ANK3: variants seen among roughly 807,000 people sequenced by gnomAD.
ANK3 encodes the protein ankyrin 3, also known as ankyrin-3.
ANK3 carries 57 observed loss-of-function variants against 370.9 expected under a neutral mutation model. The observed-to-expected ratio is 0.15, with a 90% CI of 0.12 to 0.19. The LOEUF (loss-of-function observed/expected upper bound fraction) is 0.19. Ranked by LOEUF, ANK3 falls within the 10% of genes least tolerant of loss-of-function variation. The probability of loss-of-function intolerance (pLI) is 1.00; values close to 1 mark genes in which losing one functional copy is unlikely to be tolerated. For missense variants in ANK3, 4,439 were observed against 5,302.1 expected, an observed-to-expected ratio of 0.84 and a Z score of 5.06; for synonymous variants, 1,929 against 1,946.3, an observed-to-expected ratio of 0.99 and a Z score of 0.23.
intron 1 of ANK3, among the ~76,000 whole-genome samples, chr10:60,373,236 C>T (rs926258843): frequency 1.4e-4 from 22 of 152,256 alleles, no homozygotes; most frequent in Admixed American, 3.3e-4. Flanking sequence ...AATATCTCAT[C>T]GGGTAGAAGG....
At position 60,069,030 on chromosome 10, in the gene ANK3, G is replaced by A; in HGVS notation, c.11851C>T (p.Pro3951Ser). The change falls in exon 37 of 44, where the codon CCA (proline) becomes TCA (serine). Residue 3951 changes from proline to serine, a missense_variant. Pro to Ser is a moderately conservative substitution (Grantham distance 74). This residue lies in a region of ANK3 where 496 missense variants were observed against 529.3 expected (regional missense o/e 0.94). Coordinates refer to ENST00000280772, the MANE Select transcript of ANK3 (RefSeq NM_020987.5). ...ACACAGGTGGATCTTACCTTTACTG[G>A]CAACTTGGATGGAAGCTGTTTGGCC... ...GKAKQLPSKL[P>S]VKVRSTCVTT... 1.9e-6 allele frequency: 3 copies of A among 1,614,038 alleles called. No individual in the cohort carries two copies. The highest frequency in any genetic ancestry group is 2.5e-6 in the Non-Finnish European group (3 of 1,179,954).
rs1469879668 is a variant in ANK3 at position 60,029,640 on chromosome 10, G to A, written c.*206C>T. ...ATCCGGAAATGAAAGTGATTTCCAT[G>A]CTCTGTAAATTGGCTCATGCTAAAT... On this transcript the variant is annotated 3_prime_UTR_variant, in exon 44 of 44. Coordinates refer to ENST00000280772, the MANE Select transcript of ANK3 (RefSeq NM_020987.5). 1 of 152,444 alleles carries A rather than the reference G, an allele frequency of 6.6e-6. No individual in the cohort carries two copies. The highest frequency in any genetic ancestry group is 1.5e-5 in the Non-Finnish European group (1 of 68,024). 9.4% of individuals were successfully genotyped at this position (152,444 alleles called of 1,614,324 possible).
At chr10:60,127,946 C>T (rs1311994356) in intron 25 of ANK3, among the ~76,000 whole-genome samples, 2 of 152,074 alleles carry the variant, frequency 1.3e-5, no homozygotes, top group African/African-American at 4.8e-5. Flanking sequence ...ATCTGCCCAC[C>T]TTGGCCTCCC....
Position 60,607,394 on chromosome 10 carries a change from A to T in ANK3, c.96+7792T>A, listed in dbSNP as rs1005717807. On this transcript the variant is annotated intron_variant, in intron 2 of 43. Coordinates refer to the ANK3 transcript ENST00000373827. The stretch of plus-strand genomic sequence containing the variant: ...GCTCACCCACTTTACCTTACACCAC[A>T]TACTGCCTCCCTTTCTAATATAAAA... Among the ~76,000 whole-genome samples, 6 of 152,196 alleles carry T rather than the reference A, an allele frequency of 3.9e-5. No individual in the cohort carries two copies. The South Asian group carries it at 1.2e-3, about 32-fold the overall frequency.
intron 25 of ANK3, among the ~76,000 whole-genome samples, chr10:60,123,105 C>T (rs2093587059): frequency 6.6e-6 from 1 of 152,110 alleles, no homozygotes; most frequent in South Asian, 2.1e-4. Context: ...AGAAAGACTT[C>T]AAAAACTAGG....
intron 1 of ANK3, among the ~76,000 whole-genome samples, chr10:60,657,790 A>G (rs1314617139): frequency 6.6e-6 from 1 of 152,088 alleles, no homozygotes; most frequent in Non-Finnish European, 1.5e-5. Flanking sequence ...GGGTTTAATT[A>G]TATCCAAAAA....
intron 5 of ANK3, among the ~76,000 whole-genome samples, chr10:60,267,651 A>G (rs1333329748): frequency 6.6e-6 from 1 of 152,146 alleles, no homozygotes; most frequent in African/African-American, 2.4e-5. Flanking sequence ...AGTACTAGAG[A>G]GCTCTGAGAG....
At chr10:60,671,350 TC>T (rs2079062367) in intron 1 of ANK3, among the ~76,000 whole-genome samples, 1 of 152,118 alleles carries the variant, frequency 6.6e-6, no homozygotes, top group Non-Finnish European at 1.5e-5. Flanking sequence ...GGATCTTCCC[TC>T]TCCCCTCCCA....
intron 1 of ANK3, among the ~76,000 whole-genome samples, chr10:60,667,168 T>A (rs2079007253): frequency 1.1e-5 from 1 of 90,232 alleles, no homozygotes; most frequent in African/African-American, 4.2e-5. Context: ...AAACTTTATA[T>A]TATATTATAT....
At chr10:60,535,479 T>C (rs1463079320) in intron 2 of ANK3, among the ~76,000 whole-genome samples, 2 of 152,066 alleles carry the variant, frequency 1.3e-5, no homozygotes, top group Non-Finnish European at 2.9e-5. Context: ...GCCAAATACA[T>C]ACTGGTGGGC....
chr10:60,560,374 T>C (rs1404483996), intron 2 of ANK3, among the ~76,000 whole-genome samples: 1 of 152,192 alleles, frequency 6.6e-6, no homozygotes, highest in Non-Finnish European at 1.5e-5. Flanking sequence ...AATGTGTTGG[T>C]ATAAGTTGGT....
At chr10:60,707,784 A>C (rs2079640911) in intron 1 of ANK3, among the ~76,000 whole-genome samples, 1 of 152,042 alleles carries the variant, frequency 6.6e-6, no homozygotes, top group South Asian at 2.1e-4. Context: ...TCATTCCAGA[A>C]GTTTTATTGC....
intron 43 of ANK3, among the ~76,000 whole-genome samples, chr10:60,033,479 C>G (rs754084238): frequency 9.5e-5 from 13 of 137,402 alleles, no homozygotes; most frequent in Admixed American, 2.3e-4. Flanking sequence ...CGGGCCATCA[C>G]ACTCCAGCCT....
rs2083075801 is a variant in ANK3 at position 60,073,134 on chromosome 10, C to T, written c.7747G>A (p.Glu2583Lys). ...ACTTCAGTCAGTTTTTCTTCAGCCTCCTTCACAGTCCTGTCCACCCTATCT... is the reference window on the plus strand; with the variant it reads ...ACTTCAGTCAGTTTTTCTTCAGCCTTCTTCACAGTCCTGTCCACCCTATCT... ...YEDRVDRTVK[E>K]AEEKLTEVSQ... The change falls in exon 37 of 44, where the codon GAG (glutamate) becomes AAG (lysine). Residue 2583 changes from glutamate (E) to lysine (K), a missense_variant. This residue lies in a region of ANK3 where 1,601 missense variants were observed against 1,731.7 expected (regional missense o/e 0.92). Transcript: ENST00000280772. 8 of 1,614,020 alleles carry T rather than the reference C, an allele frequency of 5.0e-6. No individual in the cohort carries two copies. The highest frequency in any genetic ancestry group is 5.1e-6 in the Non-Finnish European group (6 of 1,180,014).
chr10:60,306,418 G>A lies in ANK3; in HGVS notation c.115-26779C>T, dbSNP rs549867568. 2.4e-4 allele frequency among the ~76,000 whole-genome samples: 31 copies of A among 129,556 alleles called. 1 individual carries two copies. The East Asian group carries it at 6.0e-3, about 25-fold the overall frequency. The allele number at this position is 129,556 out of a possible 152,430, so 85.0% of individuals were successfully genotyped here. On this transcript the variant is annotated intron_variant, in intron 1 of 43. Coordinates refer to ENST00000280772, the MANE Select transcript of ANK3 (RefSeq NM_020987.5). The stretch of plus-strand genomic sequence containing the variant: ...TTTTTATGGCTGAGTAGTATTCCAC[G>A]GTGTATGTGCATATATATATATATA...
chr10:60,279,895 G>A (rs1390905405), intron 1 of ANK3, among the ~76,000 whole-genome samples: 2 of 152,052 alleles, frequency 1.3e-5, no homozygotes, highest in Non-Finnish European at 2.9e-5. Flanking sequence ...ATAAAGTATA[G>A]GCACCTTAAA....
intron 43 of ANK3, among the ~76,000 whole-genome samples, chr10:60,031,078 T>G (rs903275564): frequency 2.8e-5 from 3 of 108,474 alleles, no homozygotes; most frequent in Admixed American, 2.6e-4. Context: ...ATAGAGCATC[T>G]CAGCTATTTC....
intron 4 of ANK3, among the ~76,000 whole-genome samples, chr10:60,277,900 G>A (rs879781655): frequency 1.3e-5 from 2 of 152,212 alleles, no homozygotes; most frequent in African/African-American, 4.8e-5. Flanking sequence ...TTTAAATGTG[G>A]TCATGTCCTT....
chr10:60,684,668 A>G, intron 1 of ANK3: 1 of 1,588,392 alleles, frequency 6.3e-7, no homozygotes, highest in Non-Finnish European at 8.6e-7. Context: ...AAAGCATTTA[A>G]CACTGAGAAA....
Sources: allele counts gnomAD v4.1 joint callset (sites outside exome capture counted in the v4.1 genomes callset), GRCh38; gene constraint gnomAD v4.1.1; regional missense constraint gnomAD v4.1.1; transcripts MANE v1.5; gene names NCBI Gene and HGNC (gene_info 2026-07-23, HGNC 2026-07-21).